DPYD: variants seen among roughly 807,000 people sequenced by gnomAD.
DPYD encodes dihydropyrimidine dehydrogenase [NADP(+)].
A neutral mutation model predicts 116.2 loss-of-function variants in DPYD; 109 were observed. That is an observed-to-expected ratio of 0.94 (90% CI 0.80 to 1.10). The LOEUF (loss-of-function observed/expected upper bound fraction) is 1.10. DPYD is among the 50% of genes least tolerant of loss of function. DPYD has a pLI of 0.00. For synonymous variants in DPYD, 440 were observed against 432.0 expected, an observed-to-expected ratio of 1.02 and a Z score of -0.23; for missense variants, 1,302 against 1,254.5, an observed-to-expected ratio of 1.04 and a Z score of -0.57.
chr1:97,799,915 C>G (rs992879444), intron 3 of DPYD, among the ~76,000 whole-genome samples: 18 of 151,996 alleles, frequency 1.2e-4, no homozygotes, highest in African/African-American at 4.3e-4. Context: ...TCATCTCTTC[C>G]AATGCACATC....
At chr1:97,903,936 A>G (rs778970644) in intron 1 of DPYD, among the ~76,000 whole-genome samples, 2 of 151,908 alleles carry the variant, frequency 1.3e-5, no homozygotes, top group African/African-American at 2.4e-5. Flanking sequence ...GAAATAGGAG[A>G]AGATGGAGAG....
At chr1:97,517,486 A>C (rs1007813050) in intron 12 of DPYD, among the ~76,000 whole-genome samples, 2 of 152,102 alleles carry the variant, frequency 1.3e-5, no homozygotes, top group African/African-American at 4.8e-5. Flanking sequence ...TTAAATTTCA[A>C]AGGAAGTATG....
chr1:97,811,175 T>C (rs1257733073), intron 3 of DPYD, among the ~76,000 whole-genome samples: 1 of 152,156 alleles, frequency 6.6e-6, no homozygotes, highest in African/African-American at 2.4e-5. Context: ...CTTCCTATAA[T>C]TTACACTCTT....
intron 2 of DPYD, among the ~76,000 whole-genome samples, chr1:97,847,669 A>T (rs1670371779): frequency 6.6e-6 from 1 of 152,212 alleles, no homozygotes; most frequent in Non-Finnish European, 1.5e-5. Context: ...ACAGAATTAA[A>T]ATATAGTGTA....
At position 97,335,412 on chromosome 1, in the gene DPYD, A is replaced by C. The variant is rs574751333; in HGVS notation, c.2059-29115T>G. 1.8e-3 allele frequency among the ~76,000 whole-genome samples: 273 copies of C among 152,146 alleles called. 1 individual carries two copies. The highest frequency in any genetic ancestry group is 3.0e-3 in the Non-Finnish European group (201 of 68,010). On this transcript the variant is annotated intron_variant, in intron 16 of 22. Transcript: ENST00000370192. ...GGCAGTCCATGTAACTGTTTAAAAGAGCTTCACAGATTCCAATATTCAGAA... is the reference window on the plus strand; with the variant it reads ...GGCAGTCCATGTAACTGTTTAAAAGCGCTTCACAGATTCCAATATTCAGAA...
In DPYD at chr1:97,534,972, G is replaced by T. The variant is rs140830717; in HGVS notation, c.1524+14588C>A. ...TGATGAGGTTCAAGATAACGTATTG[G>T]AGATTTTAAAAGTTGTTAAGTCCTT... On this transcript the variant is annotated intron_variant, in intron 12 of 22. Coordinates refer to ENST00000370192, the MANE Select transcript of DPYD (RefSeq NM_000110.4). Among the ~76,000 whole-genome samples the T allele has an allele frequency of 1.5e-4, 23 of 152,094 alleles. No homozygotes were observed. The East Asian group carries it at 4.4e-3, about 29-fold the overall frequency.
chr1:97,208,029 C>T (rs1659764748), intron 19 of DPYD, among the ~76,000 whole-genome samples: 1 of 152,118 alleles, frequency 6.6e-6, no homozygotes, highest in Admixed American at 6.6e-5. Flanking sequence ...ACAGGTCCTG[C>T]AAAACCACTG....
intron 16 of DPYD, among the ~76,000 whole-genome samples, chr1:97,330,588 A>G (rs769744866): frequency 5.3e-5 from 8 of 152,172 alleles, no homozygotes; most frequent in Admixed American, 5.2e-4. Context: ...GAACAAAATA[A>G]ATAAGTAATA....
At chr1:97,107,361 A>G (rs900801003) in intron 20 of DPYD, among the ~76,000 whole-genome samples, 7 of 152,140 alleles carry the variant, frequency 4.6e-5, no homozygotes, top group Admixed American at 1.3e-4. Flanking sequence ...TTGGTGGACA[A>G]CCTGGGAAGG....
intron 2 of DPYD, among the ~76,000 whole-genome samples, chr1:97,859,207 TA>T (rs1327354013): frequency 3.3e-5 from 5 of 152,006 alleles, no homozygotes; most frequent in South Asian, 2.1e-4. Flanking sequence ...TATGTAAGCT[TA>T]AAAAAAAGAA....
intron 8 of DPYD, among the ~76,000 whole-genome samples, chr1:97,671,725 A>G (rs1659869053): frequency 6.6e-6 from 1 of 152,106 alleles, no homozygotes; most frequent in Admixed American, 6.6e-5. Context: ...TTCAAGGATA[A>G]AAACCAACAC....
intron 20 of DPYD, among the ~76,000 whole-genome samples, chr1:97,190,140 A>G (rs1294104630): frequency 6.6e-6 from 1 of 152,178 alleles, no homozygotes; most frequent in Non-Finnish European, 1.5e-5. Flanking sequence ...TCCTACATGC[A>G]GTTTCTTCAT....
At chr1:97,454,562 T>C (rs192878468) in intron 13 of DPYD, among the ~76,000 whole-genome samples, 42 of 152,048 alleles carry the variant, frequency 2.8e-4, no homozygotes, top group Non-Finnish European at 5.9e-5. Context: ...TAAAAACAGA[T>C]GTTTATAGAA....
intron 20 of DPYD, among the ~76,000 whole-genome samples, chr1:97,154,211 C>G (rs1655258312): frequency 6.6e-6 from 1 of 152,092 alleles, no homozygotes. Flanking sequence ...TTTATAGCAG[C>G]AGAATTTGCA....
At chr1:97,675,029 T>C (rs1432547805) in intron 8 of DPYD, among the ~76,000 whole-genome samples, 2 of 152,196 alleles carry the variant, frequency 1.3e-5, no homozygotes, top group African/African-American at 4.8e-5. Flanking sequence ...AGTGTGAACG[T>C]GCAAGCACAC....
At chr1:97,756,152 T>C (rs895870665) in intron 3 of DPYD, among the ~76,000 whole-genome samples, 3 of 152,196 alleles carry the variant, frequency 2.0e-5, no homozygotes, top group African/African-American at 7.2e-5. Context: ...GGAAGTAGTA[T>C]GTTGAATAAA....
chr1:97,712,232 A>G (rs1430500934), intron 5 of DPYD, among the ~76,000 whole-genome samples: 2 of 151,950 alleles, frequency 1.3e-5, no homozygotes, highest in East Asian at 1.9e-4. Flanking sequence ...GAACTTCTCT[A>G]TTAAACTTTT....
chr1:97,582,564 A>G (rs753972136), intron 10 of DPYD, among the ~76,000 whole-genome samples: 6 of 152,178 alleles, frequency 3.9e-5, no homozygotes, highest in Non-Finnish European at 8.8e-5. Flanking sequence ...GGTGAAATGC[A>G]GAACAATTTT....
At position 97,367,275 on chromosome 1, in the gene DPYD, C is replaced by CT. The variant is rs578141924; in HGVS notation, c.2058+6285dup. ...GTTGAAACAGAAACAAAGCCTCTCT[C>CT]TTTTTTTTAAAAAAAAAAACATACA... On this transcript the variant is annotated intron_variant, in intron 16 of 22. Transcript: ENST00000370192. Among the ~76,000 whole-genome samples the CT allele has an allele frequency of 3.1e-3, 465 of 150,064 alleles. 2 individuals carry two copies. Among genetic ancestry groups the CT allele is most frequent in the Non-Finnish European group, 3.4e-3 (233 of 67,552 alleles).
Sources: gnomAD v4.1 joint callset for allele counts (sites outside exome capture counted in the v4.1 genomes callset) on GRCh38, gnomAD v4.1.1 for gene constraint, MANE v1.5 for transcripts, NCBI Gene and HGNC (gene_info 2026-07-23, HGNC 2026-07-21) for gene names.